XPA: variants seen among roughly 807,000 people sequenced by gnomAD.
XPA encodes the protein DNA repair protein complementing XP-A cells.
In XPA, 27 loss-of-function variants were observed where a neutral mutation model predicts 35.7. That is an observed-to-expected ratio of 0.76 (90% CI 0.56 to 1.04). XPA has a LOEUF of 1.04. Among genes scored for constraint, XPA ranks in the 50% least tolerant of loss-of-function variants. The probability of loss-of-function intolerance (pLI) is 0.00; values close to 1 mark genes in which losing one functional copy is unlikely to be tolerated. For synonymous variants in XPA, 133 were observed against 118.4 expected (o/e 1.12, Z -0.80); for missense variants, 354 against 342.7 (o/e 1.03, Z -0.26).
At chr9:97,676,698 A>G (rs1828376453) in intron 5 of XPA, among the ~76,000 whole-genome samples, 1 of 152,240 alleles carries the variant, frequency 6.6e-6, no homozygotes, top group South Asian at 2.1e-4. Flanking sequence ...TAAGATAAGT[A>G]GAATTACTCC....
the XPA span, chr9:97,662,011 T>G: frequency 1.3e-6 from 2 of 1,531,856 alleles, no homozygotes; most frequent in East Asian, 4.5e-5. Flanking sequence ...TGTGCTTACA[T>G]TTTTCTGTTT....
intron 4 of XPA, 127 bp from the exon 5 acceptor site, chr9:97,685,167 A>G (rs1220885431): frequency 3.0e-6 from 2 of 674,972 alleles, no homozygotes; most frequent in Admixed American, 6.1e-5. Flanking sequence ...AATACTTATT[A>G]GAAATTTAAA....
At chr9:97,676,893 A>G (rs935834559) in intron 5 of XPA, among the ~76,000 whole-genome samples, 1 of 152,196 alleles carries the variant, frequency 6.6e-6, no homozygotes, top group Non-Finnish European at 1.5e-5. Flanking sequence ...GCATCCTCTC[A>G]TATTCTGAAG....
chr9:97,664,334 T>C, the XPA span: 1 of 1,572,214 alleles, frequency 6.4e-7, no homozygotes, highest in Non-Finnish European at 8.7e-7. Context: ...AATTCTCTCA[T>C]TGTAGATGAT....
chr9:97,678,722 C>A (rs2131384084), intron 5 of XPA, among the ~76,000 whole-genome samples: 2 of 152,278 alleles, frequency 1.3e-5, no homozygotes, highest in Middle Eastern at 6.8e-3. Flanking sequence ...GATACAATTT[C>A]TTTTTGCTTA....
the XPA span, among the ~76,000 whole-genome samples, chr9:97,657,015 C>A: frequency 1.3e-5 from 2 of 152,142 alleles, no homozygotes. Context: ...GTCACCCAGG[C>A]TGGAGTGCAG....
At position 97,674,972 on chromosome 9, in the gene XPA, C is replaced by T; in HGVS notation, c.*467G>A. On this transcript the variant is annotated 3_prime_UTR_variant, in exon 6 of 6. Transcript: ENST00000375128. Reference sequence around the variant, plus strand: ...GGCTTTTTCCAGCAGTAGTTCCCCACTGTTTCCACCATCGTGGAGACAGAA... The same window carrying T: ...GGCTTTTTCCAGCAGTAGTTCCCCATTGTTTCCACCATCGTGGAGACAGAA... 1.9e-6 allele frequency: 1 copy of T among 523,304 alleles called. No homozygotes were observed. The highest frequency in any genetic ancestry group is 3.7e-6 in the Non-Finnish European group (1 of 269,420). 32.4% of individuals were successfully genotyped at this position (523,304 alleles called of 1,614,324 possible).
intron 5 of XPA, among the ~76,000 whole-genome samples, chr9:97,680,677 A>G (rs935214196): frequency 6.6e-5 from 10 of 152,226 alleles, no homozygotes; most frequent in Non-Finnish European, 1.2e-4. Flanking sequence ...TTTAAGATAA[A>G]TACTTTTTTC....
intron 5 of XPA, among the ~76,000 whole-genome samples, chr9:97,683,699 T>TCTTAA (rs3176701): frequency 0.12 from 17,866 of 152,114 alleles, 2,956 homozygotes; most frequent in African/African-American, 0.36. Context: ...TTTGTAATTC[T>TCTTAA]CTTTTCTGCA....
rs574504791 is a variant in XPA, at chr9:97,697,280, C to A, written c.13G>T (p.Asp5Tyr). ...GCCGCCGCCTCCGGCAAAGCCCCGT[C>A]GGCCGCCGCCATCTCTGGCCCACTC... The part of the protein sequence containing the change: MAAA[D>Y]GALPEAAALE... The change falls in exon 1 of 6, where the codon GAC (aspartate) becomes TAC (tyrosine). Residue 5 changes from aspartate to tyrosine, a missense_variant. Coordinates refer to ENST00000375128, the MANE Select transcript of XPA (RefSeq NM_000380.4). 5.6e-5 allele frequency: 90 copies of A among 1,598,554 alleles called. No individual in the cohort carries two copies. The South Asian group carries it at 6.2e-4, about 11-fold the overall frequency.
the XPA span, chr9:97,664,386 A>G: frequency 6.2e-7 from 1 of 1,613,088 alleles, no homozygotes. Flanking sequence ...CAAATAGTTG[A>G]TTGTGCTGCC....
At chr9:97,669,009 A>C in the XPA span, 1 of 1,552,920 alleles carries the variant, frequency 6.4e-7, no homozygotes, top group African/African-American at 1.4e-5. Flanking sequence ...CATAAAAGGA[A>C]ACAATACATT....
chr9:97,687,234 TA>T lies in XPA; in HGVS notation c.416del (p.Ile139LysfsTer12). On this transcript the variant is annotated frameshift_variant, in exon 4 of 6. Transcript: ENST00000375128. LOFTEE classifies it high-confidence loss of function. Reference protein sequence around the residue: ...CRDADDKHKLITKTEAKQEYL... With the variant: ...CRDADDKHKLXTKTEAKQEYL... The stretch of plus-strand genomic sequence containing the variant: ...ATTCTTGTTTTGCCTCTGTTTTGGT[TA>T]TAAGCTTGTGTTTATCATCAGCATC... 6.2e-7 allele frequency: 1 copy of T among 1,609,090 alleles called. No homozygotes were observed. Among genetic ancestry groups the T allele is most frequent in the East Asian group, 2.2e-5 (1 of 44,746 alleles).
the XPA span, chr9:97,668,991 C>A: frequency 1.3e-6 from 2 of 1,585,116 alleles, no homozygotes; most frequent in Non-Finnish European, 1.7e-6. Context: ...TGGCTTGGGA[C>A]ATTTATACAT....
intron 5 of XPA, among the ~76,000 whole-genome samples, chr9:97,678,381 A>G (rs1444943016): frequency 6.6e-6 from 1 of 152,170 alleles, no homozygotes; most frequent in Non-Finnish European, 1.5e-5. Context: ...AACCTGGGTG[A>G]CAGAGCAATA....
At chr9:97,664,225 C>T in the XPA span, 1 of 605,972 alleles carries the variant, frequency 1.7e-6, no homozygotes, top group African/African-American at 1.9e-5. Flanking sequence ...TCCATAGCCA[C>T]CAAAACTAAA....
At position 97,687,097 on chromosome 9, in the gene XPA, T is replaced by C. The variant is rs778524392; in HGVS notation, c.554A>G (p.Gln185Arg). The change falls in exon 4 of 6, where the codon CAG (glutamine) becomes CGG (arginine). Residue 185 changes from glutamine to arginine, a missense_variant and splice_region_variant. Gln to Arg is a conservative substitution (Grantham distance 43). Transcript: ENST00000375128. ...WGDMKLYLKL[Q>R]IVKRSLEVWG... ...TAATAAATACAACTTATTAGAGACC[T>C]GTAACTTTAAGTAGAGTTTCATATC... is the stretch of plus-strand genomic sequence containing the variant. 6.2e-7 allele frequency: 1 copy of C among 1,608,990 alleles called. No homozygotes were observed. Among genetic ancestry groups the C allele is most frequent in the Non-Finnish European group, 8.5e-7 (1 of 1,178,596 alleles).
chr9:97,670,648 A>G (rs549160554), downstream of XPA, among the ~76,000 whole-genome samples: 2 of 152,358 alleles, frequency 1.3e-5, no homozygotes, highest in South Asian at 4.1e-4. Flanking sequence ...GAGAGTATTC[A>G]TGGCTTATAG....
chr9:97,679,511 T>C (rs896821992), intron 5 of XPA, among the ~76,000 whole-genome samples: 7 of 152,158 alleles, frequency 4.6e-5, no homozygotes, highest in Admixed American at 2.6e-4. Flanking sequence ...CTATAATACA[T>C]TGACTTCAGA....
Sources: allele counts gnomAD v4.1 joint callset (sites outside exome capture counted in the v4.1 genomes callset), GRCh38; gene constraint gnomAD v4.1.1; transcripts MANE v1.5; gene names NCBI Gene and HGNC (gene_info 2026-07-23, HGNC 2026-07-21).